BTBD9: variants seen among roughly 807,000 people sequenced by gnomAD.
BTBD9 encodes the protein BTB domain containing 9, also known as BTB/POZ domain-containing protein 9.
In BTBD9, 49 loss-of-function variants were observed where a neutral mutation model predicts 64.3. That is an observed-to-expected ratio of 0.76 (90% CI 0.61 to 0.97). The LOEUF (loss-of-function observed/expected upper bound fraction) is 0.97, where lower values mean the gene tolerates loss of function less well. BTBD9 is among the 50% of genes least tolerant of loss of function. BTBD9 has a pLI of 0.00. For missense variants in BTBD9, 598 were observed against 762.1 expected, an observed-to-expected ratio of 0.78 and a Z score of 2.53; for synonymous variants, 260 against 274.7, an observed-to-expected ratio of 0.95 and a Z score of 0.53.
At chr6:38,588,511 T>C (rs1371594051) in intron 4 of BTBD9, 3 of 846,570 alleles carry the variant, frequency 3.5e-6, no homozygotes, top group South Asian at 1.9e-5. Flanking sequence ...ATACCAAACC[T>C]GGACCTGGTT....
At chr6:38,578,116 A>G (rs1776135435) in intron 5 of BTBD9, among the ~76,000 whole-genome samples, 1 of 152,168 alleles carries the variant, frequency 6.6e-6, no homozygotes, top group Non-Finnish European at 1.5e-5. Context: ...CAGAAAATGG[A>G]GAAGCAGGAA....
chr6:38,338,571 C>T (rs760785036), intron 7 of BTBD9, among the ~76,000 whole-genome samples: 2 of 151,980 alleles, frequency 1.3e-5, no homozygotes, highest in Non-Finnish European at 2.9e-5. Flanking sequence ...TAATTTTGAA[C>T]CTAGAGCTCT....
rs184171350 is a variant in BTBD9 at position 38,275,685 on chromosome 6, G to A, written c.1454+12587C>T. ...CAAACAACTCCATCAAAAAGTGGGC[G>A]AAGGATATGAACAGACACTTCTCAA... is the stretch of plus-strand genomic sequence containing the variant. On this transcript the variant is annotated intron_variant, in intron 8 of 10. Transcript: ENST00000481247. 2.6e-4 allele frequency among the ~76,000 whole-genome samples: 39 copies of A among 152,226 alleles called. No homozygotes were observed. The East Asian group carries it at 5.6e-3, about 22-fold the overall frequency.
intron 9 of BTBD9, among the ~76,000 whole-genome samples, chr6:38,245,864 G>A (rs1015659380): frequency 2.0e-5 from 3 of 152,146 alleles, no homozygotes; most frequent in Non-Finnish European, 4.4e-5. Context: ...TACATTTTGT[G>A]TGCTCACACA....
intron 6 of BTBD9, among the ~76,000 whole-genome samples, chr6:38,536,774 G>T (rs1774038590): frequency 6.6e-6 from 1 of 152,074 alleles, no homozygotes; most frequent in African/African-American, 2.4e-5. Context: ...GAAAACAATT[G>T]AACTCGTGGA....
At chr6:38,556,796 C>T (rs1397929358) in intron 6 of BTBD9, among the ~76,000 whole-genome samples, 2 of 151,144 alleles carry the variant, frequency 1.3e-5, no homozygotes, top group Non-Finnish European at 2.9e-5. Flanking sequence ...GCGGGTGGAT[C>T]ACCTGAGGTC....
chr6:38,304,460 C>T (rs982165839), intron 7 of BTBD9, among the ~76,000 whole-genome samples: 3 of 151,862 alleles, frequency 2.0e-5, no homozygotes, highest in African/African-American at 4.8e-5. Flanking sequence ...GCATGAGACT[C>T]GCTTGAATCC....
At position 38,592,666 on chromosome 6, in the gene BTBD9, A is replaced by G; in HGVS notation, c.724T>C (p.Ser242Pro). ...LTELLNVVRP[S>P]GLLSPDAILD... ...ATGGCATCAGGAGACAGCAGTCCTG[A>G]AGGCCTCACAACATTCAGAAGCTCT... is the stretch of plus-strand genomic sequence containing the variant. Residue 242 changes from serine to proline, a missense_variant, in exon 4 of 11, where the codon TCA becomes CCA. Physicochemically the swap from Ser to Pro is moderately conservative, Grantham distance 74. Transcript: ENST00000481247. The G allele has an allele frequency of 6.2e-7, 1 of 1,614,176 alleles. No individual in the cohort carries two copies. Among genetic ancestry groups the G allele is most frequent in the Non-Finnish European group, 8.5e-7 (1 of 1,180,032 alleles).
intron 1 of BTBD9, among the ~76,000 whole-genome samples, chr6:38,618,911 C>T (rs1777889641): frequency 6.6e-6 from 1 of 152,150 alleles, no homozygotes; most frequent in Admixed American, 6.5e-5. Flanking sequence ...GACAATTTCC[C>T]TACCAGTCAG....
intron 7 of BTBD9, among the ~76,000 whole-genome samples, chr6:38,342,420 C>T (rs1764138087): frequency 6.6e-6 from 1 of 151,302 alleles, no homozygotes; most frequent in African/African-American, 2.4e-5. Context: ...CCTGTAGTCC[C>T]AGTTACTTTG....
chr6:38,173,858 T>G lies in BTBD9; in HGVS notation c.*1127A>C, dbSNP rs1766890402. On this transcript the variant is annotated 3_prime_UTR_variant, in exon 11 of 11. Coordinates refer to ENST00000481247, the MANE Select transcript of BTBD9 (RefSeq NM_001099272.2). ...CAGGCAGCACTGGAATGGAAATCACTAAGTAGGAGACGGAGCCACATCAAG... is the reference window on the plus strand; with the variant it reads ...CAGGCAGCACTGGAATGGAAATCACGAAGTAGGAGACGGAGCCACATCAAG... The G allele has an allele frequency of 6.6e-6, 1 of 152,256 alleles. No homozygotes were observed. Among genetic ancestry groups the G allele is most frequent in the Non-Finnish European group, 1.5e-5 (1 of 68,066 alleles). 9.4% of individuals were successfully genotyped at this position (152,256 alleles called of 1,614,324 possible). A position where few individuals can be genotyped will look rare whatever the true frequency, so the allele number is the denominator to read the frequency against.
chr6:38,263,917 G>T lies in BTBD9; in HGVS notation c.1455-7401C>A, dbSNP rs78532247. On this transcript the variant is annotated intron_variant, in intron 8 of 10. Coordinates refer to ENST00000481247, the MANE Select transcript of BTBD9 (RefSeq NM_001099272.2). ...GGAGTGCACTGGACAGAAAAGGTAC[G>T]CAATAAGAGTAGATGTTATGGCAGT... 7.0e-3 allele frequency among the ~76,000 whole-genome samples: 1,060 copies of T among 152,306 alleles called. 8 individuals carry two copies. Among genetic ancestry groups the T allele is most frequent in the African/African-American group, 0.023 (959 of 41,562 alleles).
chr6:38,544,161 C>G (rs1310657969), intron 6 of BTBD9, among the ~76,000 whole-genome samples: 1 of 151,986 alleles, frequency 6.6e-6, no homozygotes, highest in East Asian at 1.9e-4. Flanking sequence ...TACAGTATAA[C>G]AACTATTTAC....
intron 9 of BTBD9, among the ~76,000 whole-genome samples, chr6:38,218,221 A>G (rs1379956912): frequency 3.3e-5 from 5 of 152,236 alleles, no homozygotes; most frequent in African/African-American, 1.2e-4. Context: ...GTAAAGAGCC[A>G]GATAGTAAAT....
At chr6:38,386,861 T>C (rs1766196802) in intron 6 of BTBD9, among the ~76,000 whole-genome samples, 1 of 152,156 alleles carries the variant, frequency 6.6e-6, no homozygotes, top group East Asian at 1.9e-4. Flanking sequence ...CAGGCTGCTC[T>C]TGAACTCCTG....
rs61016424 is a variant in BTBD9 at position 38,425,927 on chromosome 6, TACACAC to T, written c.1155-80840_1155-80835del. 1.6e-3 allele frequency among the ~76,000 whole-genome samples: 221 copies of T among 137,070 alleles called. 3 individuals carry two copies. The highest frequency in any genetic ancestry group is 5.4e-3 in the African/African-American group (195 of 36,396). The allele number at this position is 137,070 out of a possible 152,430, so 89.9% of individuals were successfully genotyped here. ...GTGAGACCCTATCTCAAGAAACACA[TACACAC>T]ACACACACACACACACACACACACA... On this transcript the variant is annotated intron_variant, in intron 6 of 10. Coordinates refer to ENST00000481247, the MANE Select transcript of BTBD9 (RefSeq NM_001099272.2).
At chr6:38,367,006 A>C (rs1165156387) in intron 6 of BTBD9, among the ~76,000 whole-genome samples, 2 of 152,252 alleles carry the variant, frequency 1.3e-5, no homozygotes, top group Non-Finnish European at 2.9e-5. Context: ...ACAGATTCAA[A>C]GGGCCGAGTT....
intron 1 of BTBD9, among the ~76,000 whole-genome samples, chr6:38,608,920 C>T (rs1274027853): frequency 6.6e-6 from 1 of 152,102 alleles, no homozygotes; most frequent in African/African-American, 2.4e-5. Flanking sequence ...ACATTCTGTA[C>T]TGTGATTTTA....
At chr6:38,348,205 A>C (rs529582052) in intron 6 of BTBD9, among the ~76,000 whole-genome samples, 50 of 152,326 alleles carry the variant, frequency 3.3e-4, no homozygotes, top group Admixed American at 6.5e-4. Flanking sequence ...TAGGAATGGG[A>C]GAGTCCTCTC....
Sources: gnomAD v4.1 joint callset for allele counts (sites outside exome capture counted in the v4.1 genomes callset) on GRCh38, gnomAD v4.1.1 for gene constraint, MANE v1.5 for transcripts, NCBI Gene and HGNC (gene_info 2026-07-23, HGNC 2026-07-21) for gene names.